MAST4: variants seen among roughly 807,000 people sequenced by gnomAD.
MAST4 encodes the protein microtubule associated serine/threonine kinase family member 4.
Under a neutral mutation model 162.7 loss-of-function variants are expected in MAST4, and 89 were observed. The ratio of observed to expected loss-of-function variants is 0.55; its 90% CI spans 0.46 to 0.65. MAST4 has a LOEUF of 0.65. MAST4 is among the 30% of genes least tolerant of loss of function. MAST4 has a pLI of 0.00. For missense variants in MAST4, 3,153 were observed against 3,374.0 expected (o/e 0.93, Z 1.62); for synonymous variants, 1,479 against 1,361.1 (o/e 1.09, Z -1.91).
At chr5:66,653,651 G>A (rs983869060) in intron 1 of MAST4, among the ~76,000 whole-genome samples, 2 of 152,108 alleles carry the variant, frequency 1.3e-5, no homozygotes, top group African/African-American at 2.4e-5. Flanking sequence ...CTCCTCCTTG[G>A]CATCTGCTTT....
chr5:66,678,092 A>G (rs1353112701), intron 1 of MAST4, among the ~76,000 whole-genome samples: 1 of 152,156 alleles, frequency 6.6e-6, no homozygotes, highest in Non-Finnish European at 1.5e-5. Context: ...AGATTTTTCT[A>G]ATCTAATTTG....
chr5:66,864,660 C>T (rs1760369111), intron 3 of MAST4, among the ~76,000 whole-genome samples: 1 of 148,194 alleles, frequency 6.7e-6, no homozygotes, highest in Non-Finnish European at 1.5e-5. Context: ...CCCGAAAATA[C>T]ATGGAAGTCC....
chr5:67,043,715 TAAAAAC>T (rs1285547323), intron 4 of MAST4, among the ~76,000 whole-genome samples: 3 of 152,316 alleles, frequency 2.0e-5, no homozygotes, highest in South Asian at 2.1e-4. Flanking sequence ...AAACGGAAGT[TAAAAAC>T]AAAAAACAAC....
chr5:66,885,745 A>G (rs185302661), intron 3 of MAST4, among the ~76,000 whole-genome samples: 1 of 152,308 alleles, frequency 6.6e-6, no homozygotes, highest in African/African-American at 2.4e-5. Flanking sequence ...GGCTTAGATA[A>G]TATTTAAATT....
At chr5:66,656,362 T>C (rs1291068794) in intron 1 of MAST4, among the ~76,000 whole-genome samples, 1 of 152,252 alleles carries the variant, frequency 6.6e-6, no homozygotes, top group Non-Finnish European at 1.5e-5. Flanking sequence ...GTTTGCTTGC[T>C]GATGAGGTTG....
At chr5:66,924,853 A>G (rs1029616508) in intron 4 of MAST4, among the ~76,000 whole-genome samples, 1 of 152,212 alleles carries the variant, frequency 6.6e-6, no homozygotes, top group African/African-American at 2.4e-5. Flanking sequence ...TTTTACTTCT[A>G]TCTTTTGATG....
chr5:66,612,263 A>C (rs966404214), intron 1 of MAST4, among the ~76,000 whole-genome samples: 18 of 152,156 alleles, frequency 1.2e-4, no homozygotes, highest in African/African-American at 3.9e-4. Flanking sequence ...AGGGCAGAAA[A>C]GGAGGAAATA....
intron 19 of MAST4, among the ~76,000 whole-genome samples, chr5:67,138,866 C>T (rs963080026): frequency 6.6e-5 from 10 of 152,138 alleles, no homozygotes; most frequent in African/African-American, 2.4e-4. Context: ...TAAGGATGTT[C>T]AGCCTGTATT....
intron 3 of MAST4, among the ~76,000 whole-genome samples, chr5:66,859,314 T>C (rs749004470): frequency 5.1e-4 from 78 of 152,346 alleles, no homozygotes; most frequent in African/African-American, 1.6e-3. Flanking sequence ...CTGTTGGTAA[T>C]TACCATTCTA....
chr5:67,117,767 TA>T (rs1413649788), intron 12 of MAST4, among the ~76,000 whole-genome samples: 2 of 151,482 alleles, frequency 1.3e-5, no homozygotes, highest in African/African-American at 2.4e-5. Flanking sequence ...TTTTAAAGTA[TA>T]AAAAAGAAAA....
intron 1 of MAST4, among the ~76,000 whole-genome samples, chr5:66,745,048 A>G (rs545493139): frequency 6.6e-6 from 1 of 152,304 alleles, no homozygotes; most frequent in South Asian, 2.1e-4. Flanking sequence ...GTCAGGTATG[A>G]TCCCAGGAGC....
At chr5:67,116,063 A>G (rs1033410588) in intron 12 of MAST4, among the ~76,000 whole-genome samples, 5 of 152,226 alleles carry the variant, frequency 3.3e-5, no homozygotes, top group African/African-American at 1.2e-4. Context: ...AGGCCCATGT[A>G]TAAACTAGCT....
At chr5:66,870,883 G>C (rs775741148) in intron 3 of MAST4, 1 of 471,158 alleles carries the variant, frequency 2.1e-6, no homozygotes, top group South Asian at 1.5e-5. Context: ...TGGGCAACGG[G>C]TGTGCATGGC....
At chr5:67,106,249 C>T (rs1274870577) in intron 10 of MAST4, among the ~76,000 whole-genome samples, 1 of 152,078 alleles carries the variant, frequency 6.6e-6, no homozygotes, top group East Asian at 1.9e-4. Flanking sequence ...AAATCCTTAC[C>T]TCAGACCAGT....
chr5:67,120,845 A>G (rs1433228532), intron 13 of MAST4, among the ~76,000 whole-genome samples, 172 bp from the exon 14 acceptor site: 1 of 152,204 alleles, frequency 6.6e-6, no homozygotes, highest in Non-Finnish European at 1.5e-5. Context: ...GGAGTTTGTC[A>G]GCATTGCTGT....
intron 4 of MAST4, among the ~76,000 whole-genome samples, chr5:66,946,440 AAAAT>A (rs763817286): frequency 1.3e-5 from 2 of 152,154 alleles, no homozygotes; most frequent in Non-Finnish European, 2.9e-5. Context: ...CGCCTCAGGT[AAAAT>A]AAATAAATAA....
At chr5:67,157,305 G>C (rs139316646) in intron 26 of MAST4, among the ~76,000 whole-genome samples, 1 of 152,156 alleles carries the variant, frequency 6.6e-6, no homozygotes, top group Admixed American at 6.5e-5. Flanking sequence ...TGTCTTTGGC[G>C]TATGCCTGTA....
chr5:66,937,991 A>G (rs1180640560), intron 4 of MAST4, among the ~76,000 whole-genome samples: 1 of 151,850 alleles, frequency 6.6e-6, no homozygotes, highest in African/African-American at 2.4e-5. Flanking sequence ...GCAAAACTGG[A>G]ATTTTATATT....
At chr5:66,619,347 C>T (rs923411884) in intron 1 of MAST4, among the ~76,000 whole-genome samples, 2 of 152,142 alleles carry the variant, frequency 1.3e-5, no homozygotes, top group African/African-American at 4.8e-5. Flanking sequence ...TCACTCGGAG[C>T]TGTCAGGTCT....
Sources: allele counts gnomAD v4.1 joint callset (sites outside exome capture counted in the v4.1 genomes callset), GRCh38; gene constraint gnomAD v4.1.1; transcripts MANE v1.5; gene names NCBI Gene and HGNC (gene_info 2026-07-23, HGNC 2026-07-21).